Variants in VPS13B observed in about 807,000 individuals in gnomAD.
VPS13B encodes the protein intermembrane lipid transfer protein VPS13B.
Under a neutral mutation model 426.4 loss-of-function variants are expected in VPS13B, and 285 were observed. The ratio of observed to expected loss-of-function variants is 0.67; its 90% CI spans 0.61 to 0.74. The LOEUF is 0.74. Among genes scored for constraint, VPS13B ranks in the 30% least tolerant of loss-of-function variants. The pLI, the probability that VPS13B is intolerant of heterozygous loss-of-function variation, is 0.00. For missense variants in VPS13B, 4,537 were observed against 4,782.6 expected (o/e 0.95, Z 1.51); for synonymous variants, 1,676 against 1,676.4 (o/e 1.00, Z 0.01).
intron 13 of VPS13B, among the ~76,000 whole-genome samples, chr8:99,143,807 G>A (rs977391554): frequency 1.3e-5 from 2 of 152,184 alleles, no homozygotes; most frequent in African/African-American, 2.4e-5. Flanking sequence ...TCTACAATAC[G>A]TTTAGTTACT....
chr8:99,234,155 G>A, intron 17 of VPS13B: 2 of 781,932 alleles, frequency 2.6e-6, no homozygotes, highest in South Asian at 2.7e-5. Context: ...TAAAGGGGGA[G>A]CTCACCTCTT....
At chr8:99,369,936 C>T (rs930437690) in intron 19 of VPS13B, among the ~76,000 whole-genome samples, 3 of 152,078 alleles carry the variant, frequency 2.0e-5, no homozygotes, top group African/African-American at 7.2e-5. Flanking sequence ...GAAACTAGTC[C>T]AGAAAACAGT....
intron 19 of VPS13B, among the ~76,000 whole-genome samples, chr8:99,308,398 C>T (rs1820755450): frequency 6.6e-6 from 1 of 152,104 alleles, no homozygotes; most frequent in South Asian, 2.1e-4. Context: ...TCTCATTGTT[C>T]AATTCCCACC....
At position 99,699,915 on chromosome 8, in the gene VPS13B, C is replaced by T. The variant is rs967172609; in HGVS notation, c.6437C>T (p.Ala2146Val). 7 of 1,613,102 alleles carry T rather than the reference C, an allele frequency of 4.3e-6. No homozygotes were observed. Among genetic ancestry groups the T allele is most frequent in the Non-Finnish European group, 5.9e-6 (7 of 1,179,804 alleles). ...CTCAATGGAAGCCTTAGTGTCAAGG[C>T]AACACAAAAAGTACCTGGTAAGTCA... The part of the protein sequence containing the change: ...SNLNGSLSVK[A>V]TQKVPGIILG... The change falls in exon 36 of 62, where the codon GCA becomes GTA. Residue 2146 changes from alanine (A) to valine (V), a missense_variant. Physicochemically the swap from Ala to Val is moderately conservative, Grantham distance 64. Around this residue, in one of 2 missense-constraint regions of VPS13B, gnomAD observed 4,311 missense variants for 4,474.3 expected, o/e 0.96. Transcript: ENST00000357162.
chr8:99,753,521 CT>C (rs1401080701), intron 39 of VPS13B, among the ~76,000 whole-genome samples: 1 of 152,148 alleles, frequency 6.6e-6, no homozygotes, highest in Non-Finnish European at 1.5e-5. Context: ...AAAGTTGCCC[CT>C]GCTCTAAGTT....
intron 51 of VPS13B, among the ~76,000 whole-genome samples, chr8:99,827,409 G>A (rs1365375532): frequency 6.6e-6 from 1 of 151,844 alleles, no homozygotes; most frequent in African/African-American, 2.4e-5. Flanking sequence ...TGGGATCAGT[G>A]GTGAGCTCCC....
At chr8:99,264,192 ACTTTTAATTTTTGGAGTC>A (rs1330094739) in intron 17 of VPS13B, among the ~76,000 whole-genome samples, 5 of 149,266 alleles carry the variant, frequency 3.3e-5, no homozygotes, top group Non-Finnish European at 6.0e-5. Flanking sequence ...TGAGATAATT[ACTTTTAATTTTTGGAGTC>A]TTTTTTTTTT....
intron 61 of VPS13B, 110 bp downstream of exon 61, chr8:99,871,807 T>C (rs1228560254): frequency 1.3e-6 from 2 of 1,576,804 alleles, no homozygotes; most frequent in Non-Finnish European, 8.6e-7. Context: ...GAGTGGCTGC[T>C]GGAGACCAAG....
At chr8:99,676,775 C>A (rs1161187809) in intron 35 of VPS13B, among the ~76,000 whole-genome samples, 1 of 151,888 alleles carries the variant, frequency 6.6e-6, no homozygotes, top group Non-Finnish European at 1.5e-5. Context: ...CCATCTTGCT[C>A]CACCCTCATA....
At chr8:99,015,320 C>T (rs1476905413) in intron 2 of VPS13B, among the ~76,000 whole-genome samples, 2 of 151,154 alleles carry the variant, frequency 1.3e-5, no homozygotes, top group African/African-American at 4.9e-5. Context: ...GGGTTCATGC[C>T]ATTCTCCTGA....
chr8:99,204,405 C>G (rs568149310), intron 17 of VPS13B, among the ~76,000 whole-genome samples: 1 of 152,166 alleles, frequency 6.6e-6, no homozygotes, highest in South Asian at 2.1e-4. Flanking sequence ...CCACAAAAAC[C>G]CTAGAAGAAA....
At chr8:99,865,796 T>C (rs1435795040) in intron 58 of VPS13B, among the ~76,000 whole-genome samples, 1 of 150,186 alleles carries the variant, frequency 6.7e-6, no homozygotes, top group Non-Finnish European at 1.5e-5. Context: ...TCTGATAGTG[T>C]GACAAAAAAT....
intron 19 of VPS13B, among the ~76,000 whole-genome samples, chr8:99,337,159 T>C (rs1304780157): frequency 2.0e-5 from 3 of 152,064 alleles, no homozygotes; most frequent in Non-Finnish European, 4.4e-5. Flanking sequence ...GTGGCACATA[T>C]ACACCATGGA....
At chr8:99,108,729 C>CT (rs1304269673) in intron 5 of VPS13B, among the ~76,000 whole-genome samples, 2 of 151,792 alleles carry the variant, frequency 1.3e-5, no homozygotes, top group Non-Finnish European at 2.9e-5. Context: ...TAGCTGTGTT[C>CT]TTTTTGCTTG....
At chr8:99,647,931 A>T (rs748144084) in intron 34 of VPS13B, among the ~76,000 whole-genome samples, 18 of 152,204 alleles carry the variant, frequency 1.2e-4, no homozygotes, top group Non-Finnish European at 2.6e-4. Flanking sequence ...ACTATAATGA[A>T]GAGCCCAAAA....
intron 35 of VPS13B, among the ~76,000 whole-genome samples, chr8:99,686,091 C>T (rs1466393083): frequency 1.3e-5 from 2 of 152,222 alleles, no homozygotes; most frequent in African/African-American, 4.8e-5. Flanking sequence ...AGCCCAGTAA[C>T]TGTGTGGCTC....
rs994110478 is a variant in VPS13B at position 99,070,752 on chromosome 8, A to G, written c.292-25560A>G. Among the ~76,000 whole-genome samples the G allele has an allele frequency of 2.0e-4, 30 of 151,906 alleles. 1 individual carries two copies. Among genetic ancestry groups the G allele is most frequent in the Middle Eastern group, 6.8e-3 (2 of 294 alleles). ...TTACGTCATTGAGTATTATTTCGAG[A>G]TCTTGTGGCTGTGCTTCAGTCTTCC... On this transcript the variant is annotated intron_variant, in intron 3 of 61. Transcript: ENST00000357162.
intron 19 of VPS13B, among the ~76,000 whole-genome samples, chr8:99,318,597 G>T (rs888802718): frequency 3.3e-5 from 5 of 152,104 alleles, no homozygotes; most frequent in African/African-American, 1.2e-4. Flanking sequence ...TCAGTTCACT[G>T]CAACCTCCAC....
intron 3 of VPS13B, among the ~76,000 whole-genome samples, chr8:99,085,103 T>C (rs1845702147): frequency 6.6e-6 from 1 of 152,172 alleles, no homozygotes; most frequent in Non-Finnish European, 1.5e-5. Context: ...TCTTTGTAGG[T>C]CTCTAAGGAC....
Sources: gnomAD v4.1 joint callset for allele counts (sites outside exome capture counted in the v4.1 genomes callset) on GRCh38, gnomAD v4.1.1 for gene constraint, gnomAD v4.1.1 regional missense constraint, MANE v1.5 for transcripts, NCBI Gene and HGNC (gene_info 2026-07-23, HGNC 2026-07-21) for gene names.